Variants in FBN1 observed in about 807,000 individuals in gnomAD.
The protein encoded by FBN1 is fibrillin 1.
FBN1 carries 29 observed loss-of-function variants against 365.1 expected under a neutral mutation model. That is an observed-to-expected ratio of 0.08 (90% confidence interval 0.06 to 0.11). The LOEUF is 0.11. Among genes scored for constraint, FBN1 ranks in the 10% least tolerant of loss-of-function variants. The pLI, the probability that FBN1 is intolerant of heterozygous loss-of-function variation, is 1.00. For synonymous variants in FBN1, 1,210 were observed against 1,270.5 expected (o/e 0.95, Z 1.01); for missense variants, 2,476 against 3,703.2 (o/e 0.67, Z 8.60).
chr15:48,465,925 A>G (rs2043317865), intron 38 of FBN1, 67 bp from the exon 39 acceptor site: 1 of 1,051,034 alleles, frequency 9.5e-7, no homozygotes, highest in Non-Finnish European at 1.5e-6. Flanking sequence ...TATCCTCAAG[A>G]GAAATACTCA....
chr15:48,463,337 T>G lies in FBN1; in HGVS notation c.5066-97A>C, dbSNP rs12595794. 6.0e-6 allele frequency: 7 copies of G among 1,170,938 alleles called. No homozygotes were observed. In the East Asian group the frequency reaches 1.6e-4, roughly 27 times the overall value. The allele number at this position is 1,170,938 out of a possible 1,614,324, so 72.5% of individuals were successfully genotyped here. On this transcript the variant is annotated intron_variant, in intron 41 of 65. Transcript: ENST00000316623. ...TGGATACTCAACAAGCAAGTTTCAT[T>G]TGAATTGTATTGTAGCTTGACTTTG...
intron 6 of FBN1, among the ~76,000 whole-genome samples, chr15:48,567,963 C>A (rs974435961): frequency 3.8e-5 from 5 of 132,922 alleles, no homozygotes; most frequent in South Asian, 2.4e-4. Flanking sequence ...CTAACCAGTG[C>A]AATGATGCAA....
At chr15:48,612,752 T>A (rs1002809707) in intron 3 of FBN1, among the ~76,000 whole-genome samples, 11 of 152,086 alleles carry the variant, frequency 7.2e-5, no homozygotes, top group Non-Finnish European at 1.5e-4. Context: ...TCAAAGTAAT[T>A]AGATAGTCTG....
intron 47 of FBN1, among the ~76,000 whole-genome samples, chr15:48,445,786 T>G (rs1204118412): frequency 1.3e-5 from 2 of 152,106 alleles, no homozygotes; most frequent in African/African-American, 4.8e-5. Flanking sequence ...AGATTTTATT[T>G]TTAAATTTTA....
chr15:48,445,160 A>ATATATATG (rs2043145485), intron 48 of FBN1, among the ~76,000 whole-genome samples: 1 of 140,734 alleles, frequency 7.1e-6, no homozygotes, highest in Non-Finnish European at 1.5e-5. Context: ...ATATATACAT[A>ATATATATG]TATATATACA....
At chr15:48,411,459 A>C in intron 65 of FBN1, 80 bp from the exon 66 acceptor site, 1 of 1,298,932 alleles carries the variant, frequency 7.7e-7, no homozygotes, top group Non-Finnish European at 1.1e-6. Flanking sequence ...AATGACTCAA[A>C]TTTCACACTA....
intron 6 of FBN1, among the ~76,000 whole-genome samples, chr15:48,577,297 C>T (rs1022265912): frequency 6.6e-6 from 1 of 152,158 alleles, no homozygotes; most frequent in African/African-American, 2.4e-5. Flanking sequence ...CAATAGTGTT[C>T]TCAAGATTCT....
intron 38 of FBN1, among the ~76,000 whole-genome samples, chr15:48,467,554 A>G (rs952925935): frequency 6.6e-6 from 1 of 152,180 alleles, no homozygotes; most frequent in African/African-American, 2.4e-5. Context: ...TGCTTAACTA[A>G]TTGCTTCTCT....
chr15:48,465,965 G>C (rs2043318301), intron 38 of FBN1, 107 bp from the exon 39 acceptor site: 3 of 804,964 alleles, frequency 3.7e-6, no homozygotes, highest in Non-Finnish European at 6.3e-6. Flanking sequence ...TCATTTTCAG[G>C]AATCTTTAGT....
chr15:48,528,805 T>C (rs1566920335), intron 8 of FBN1, among the ~76,000 whole-genome samples: 1 of 152,118 alleles, frequency 6.6e-6, no homozygotes, highest in Non-Finnish European at 1.5e-5. Flanking sequence ...GACACACCCT[T>C]TTGCCTTCAG....
At chr15:48,487,007 AC>A in intron 29 of FBN1, 67 bp downstream of exon 29, 2 of 656,234 alleles carry the variant, frequency 3.0e-6, no homozygotes, top group Non-Finnish European at 3.9e-6. Context: ...AAATAAAATA[AC>A]ATAACATAAC....
At chr15:48,530,823 C>T (rs2043964902) in intron 8 of FBN1, among the ~76,000 whole-genome samples, 1 of 152,160 alleles carries the variant, frequency 6.6e-6, no homozygotes, top group Non-Finnish European at 1.5e-5. Flanking sequence ...AAAAGCTACA[C>T]TTTTAAAAAG....
At chr15:48,568,999 T>C (rs2044283525) in intron 6 of FBN1, among the ~76,000 whole-genome samples, 1 of 151,934 alleles carries the variant, frequency 6.6e-6, no homozygotes, top group African/African-American at 2.4e-5. Context: ...TTAGACATCA[T>C]CAAAATTAAA....
chr15:48,469,104 A>C, intron 36 of FBN1, among the ~76,000 whole-genome samples: 1 of 102,800 alleles, frequency 9.7e-6, no homozygotes, highest in Middle Eastern at 4.1e-3. Flanking sequence ...AAAATATAAT[A>C]TATATTACAT....
At chr15:48,428,241 T>G (rs937204697) in intron 57 of FBN1, 105 bp downstream of exon 57, 1 of 1,427,108 alleles carries the variant, frequency 7.0e-7, no homozygotes, top group Non-Finnish European at 9.8e-7. Flanking sequence ...TTTTTATCCT[T>G]CCTCAGATTT....
chr15:48,621,772 A>G (rs915634676), intron 2 of FBN1, among the ~76,000 whole-genome samples: 1 of 151,918 alleles, frequency 6.6e-6, no homozygotes, highest in Admixed American at 6.6e-5. Flanking sequence ...GCGGATCACA[A>G]GGTCAGGAGA....
At chr15:48,456,843 C>CGTGG in intron 43 of FBN1, 81 bp from the exon 44 acceptor site, 1 of 742,924 alleles carries the variant, frequency 1.3e-6, no homozygotes. Flanking sequence ...AAAGTGCGTG[C>CGTGG]GTGTGTGTGT....
At chr15:48,574,376 C>A (rs375449139) in intron 6 of FBN1, among the ~76,000 whole-genome samples, 2 of 152,098 alleles carry the variant, frequency 1.3e-5, no homozygotes, top group African/African-American at 2.4e-5. Flanking sequence ...CATGGCACTG[C>A]AAACATATAC....
Position 48,470,761 on chromosome 15 carries a change from G to T in FBN1, c.4337-5C>A, listed in dbSNP as rs370959127. The T allele has an allele frequency of 1.2e-6, 2 of 1,613,944 alleles. No individual in the cohort carries two copies. Among genetic ancestry groups the T allele is most frequent in the Admixed American group, 3.3e-5 (2 of 59,992 alleles). ...GAAGGGAGCACTCATCAATATCTTG[G>T]GGGGAGGGAGAAAAAAGCAAAAAAC... On this transcript the variant is annotated splice_region_variant and splice_polypyrimidine_tract_variant and intron_variant, in intron 35 of 65. Coordinates refer to ENST00000316623, the MANE Select transcript of FBN1 (RefSeq NM_000138.5).
Sources: allele counts gnomAD v4.1 joint callset (sites outside exome capture counted in the v4.1 genomes callset), GRCh38; gene constraint gnomAD v4.1.1; transcripts MANE v1.5; gene names NCBI Gene and HGNC (gene_info 2026-07-23, HGNC 2026-07-21).